The following GPC5 variants were observed in gnomAD, a reference collection of about 807,000 sequenced individuals.
GPC5 encodes the protein glypican 5.
In GPC5, 47 loss-of-function variants were observed where a neutral mutation model predicts 53.9. The ratio of observed to expected loss-of-function variants is 0.87; its 90% confidence interval spans 0.69 to 1.11. The LOEUF (loss-of-function observed/expected upper bound fraction) is 1.11, where lower values mean the gene tolerates loss of function less well. GPC5 is among the 50% of genes most tolerant of loss of function. The probability of loss-of-function intolerance (pLI) is 0.00; values close to 1 mark genes in which losing one functional copy is unlikely to be tolerated. For synonymous variants in GPC5, 286 were observed against 263.3 expected, an observed-to-expected ratio of 1.09 and a Z score of -0.84; for missense variants, 748 against 713.1, an observed-to-expected ratio of 1.05 and a Z score of -0.56.
At chr13:92,118,033 AAATT>A (rs2041614492) in intron 6 of GPC5, among the ~76,000 whole-genome samples, 1 of 152,142 alleles carries the variant, frequency 6.6e-6, no homozygotes. Flanking sequence ...CCCAGTTTTG[AAATT>A]AATCAGAGAG....
At chr13:92,110,038 T>C (rs1056800835) in intron 6 of GPC5, among the ~76,000 whole-genome samples, 1 of 152,144 alleles carries the variant, frequency 6.6e-6, no homozygotes, top group African/African-American at 2.4e-5. Flanking sequence ...ATGAAAAATT[T>C]ATTTAGGTGG....
intron 2 of GPC5, among the ~76,000 whole-genome samples, chr13:91,487,291 G>A (rs900131754): frequency 1.3e-4 from 20 of 152,138 alleles, no homozygotes; most frequent in African/African-American, 4.8e-4. Context: ...CTTTTGAGGA[G>A]TAATAGATGG....
intron 7 of GPC5, among the ~76,000 whole-genome samples, chr13:92,598,888 G>A (rs1363345022): frequency 6.6e-6 from 1 of 152,070 alleles, no homozygotes; most frequent in Non-Finnish European, 1.5e-5. Context: ...GTGGTGGTGG[G>A]CACCTGTAAT....
At chr13:92,751,895 G>A (rs1172510424) in intron 7 of GPC5, among the ~76,000 whole-genome samples, 1 of 152,114 alleles carries the variant, frequency 6.6e-6, no homozygotes, top group Non-Finnish European at 1.5e-5. Flanking sequence ...ATTGCCTCAA[G>A]ATGGTTACAT....
intron 7 of GPC5, among the ~76,000 whole-genome samples, chr13:92,700,080 T>A (rs756677141): frequency 2.6e-5 from 4 of 152,086 alleles, no homozygotes; most frequent in Non-Finnish European, 5.9e-5. Flanking sequence ...TTTGTAGGTT[T>A]CTAAGAACTT....
chr13:92,338,180 CAT>C lies in GPC5; in HGVS notation c.1561+193195_1561+193196del, dbSNP rs1475865637. Among the ~76,000 whole-genome samples, 13 of 152,110 alleles carry C rather than the reference CAT, an allele frequency of 8.5e-5. No individual in the cohort carries two copies. The East Asian group carries it at 2.5e-3, about 29-fold the overall frequency. On this transcript the variant is annotated intron_variant, in intron 7 of 7. Coordinates refer to ENST00000377067, the MANE Select transcript of GPC5 (RefSeq NM_004466.6). ...CAAAGGACACCTCATGAAAGATAAA[CAT>C]ATAAAATATGCTGCACATTTTAGAT...
At chr13:91,878,064 G>T (rs2039223976) in intron 5 of GPC5, among the ~76,000 whole-genome samples, 1 of 152,102 alleles carries the variant, frequency 6.6e-6, no homozygotes, top group Admixed American at 6.6e-5. Context: ...TAGCTATGTG[G>T]AACCGTAAGT....
intron 3 of GPC5, among the ~76,000 whole-genome samples, chr13:91,714,056 A>G (rs2036283558): frequency 6.6e-6 from 1 of 152,150 alleles, no homozygotes; most frequent in Admixed American, 6.5e-5. Context: ...TGATTTTCTC[A>G]GGGTCTAATT....
intron 2 of GPC5, among the ~76,000 whole-genome samples, chr13:91,557,261 G>A (rs1342006682): frequency 6.6e-6 from 1 of 152,110 alleles, no homozygotes. Context: ...GTTGTGTACT[G>A]ATATTGCATT....
chr13:91,581,826 C>A, intron 2 of GPC5, among the ~76,000 whole-genome samples: 1 of 152,106 alleles, frequency 6.6e-6, no homozygotes, highest in Admixed American at 6.5e-5. Flanking sequence ...CACACAATCA[C>A]CAACAAACAT....
chr13:92,544,470 A>G (rs527419596), intron 7 of GPC5, among the ~76,000 whole-genome samples: 3 of 152,210 alleles, frequency 2.0e-5, no homozygotes, highest in East Asian at 3.9e-4. Context: ...CTGTGTGACA[A>G]TTTTTTAAGA....
chr13:91,854,293 G>T (rs1243865290), intron 5 of GPC5, among the ~76,000 whole-genome samples: 3 of 151,744 alleles, frequency 2.0e-5, no homozygotes, highest in Non-Finnish European at 3.0e-5. Flanking sequence ...TATTTATGGG[G>T]TATAGGAGAT....
chr13:91,786,856 C>T (rs929025934), intron 5 of GPC5, among the ~76,000 whole-genome samples: 7 of 151,578 alleles, frequency 4.6e-5, no homozygotes, highest in African/African-American at 9.7e-5. Context: ...TTTATTTGGG[C>T]TCTTCATCAT....
At chr13:91,455,731 C>T (rs979743222) in intron 2 of GPC5, among the ~76,000 whole-genome samples, 4 of 152,120 alleles carry the variant, frequency 2.6e-5, no homozygotes, top group Admixed American at 1.3e-4. Flanking sequence ...CACATAGTCA[C>T]TCCTACCTCT....
At chr13:92,548,248 G>C (rs1045221777) in intron 7 of GPC5, among the ~76,000 whole-genome samples, 10 of 151,870 alleles carry the variant, frequency 6.6e-5, no homozygotes, top group African/African-American at 2.2e-4. Flanking sequence ...GTTGGTTTAA[G>C]TGGGAAAAAT....
intron 5 of GPC5, among the ~76,000 whole-genome samples, chr13:91,873,575 C>T (rs761126138): frequency 9.2e-5 from 14 of 152,192 alleles, no homozygotes; most frequent in Non-Finnish European, 1.6e-4. Flanking sequence ...CCATGTGAGA[C>T]ATGGCTTTCA....
chr13:92,082,087 A>G (rs1403417427), intron 6 of GPC5, among the ~76,000 whole-genome samples: 1 of 152,170 alleles, frequency 6.6e-6, no homozygotes, highest in African/African-American at 2.4e-5. Context: ...GTTAAAATGA[A>G]GATAGCATCA....
At chr13:92,697,336 AATGTTTTTC>A (rs1488963626) in intron 7 of GPC5, among the ~76,000 whole-genome samples, 2 of 152,148 alleles carry the variant, frequency 1.3e-5, no homozygotes, top group African/African-American at 4.8e-5. Context: ...ATGAGCACGG[AATGTTTTTC>A]CATTTATCTG....
At chr13:92,800,945 T>C (rs1876880202) in intron 7 of GPC5, among the ~76,000 whole-genome samples, 1 of 151,712 alleles carries the variant, frequency 6.6e-6, no homozygotes, top group Non-Finnish European at 1.5e-5. Context: ...TCAACAGATA[T>C]TACAAACAAG....
Sources: allele counts gnomAD v4.1 joint callset (sites outside exome capture counted in the v4.1 genomes callset), GRCh38; gene constraint gnomAD v4.1.1; transcripts MANE v1.5; gene names NCBI Gene and HGNC (gene_info 2026-07-23, HGNC 2026-07-21).